The following ZNF577 variants were observed in gnomAD, a reference collection of about 807,000 sequenced individuals.
ZNF577 encodes the protein zinc finger protein 577.
ZNF577 carries 14 observed loss-of-function variants against 13.9 expected under a neutral mutation model. That is an observed-to-expected ratio of 1.00 (90% CI 0.66 to 1.57). ZNF577 has a LOEUF of 1.57. Among genes scored for constraint, ZNF577 ranks in the 40% most tolerant of loss-of-function variants. The pLI, the probability that ZNF577 is intolerant of heterozygous loss-of-function variation, is 0.00. For synonymous variants in ZNF577, 203 were observed against 202.9 expected (o/e 1.00, Z 0.00); for missense variants, 555 against 579.2 (o/e 0.96, Z 0.43).
At chr19:51,825,850 G>T (rs1444939128) in intron 9 of ZNF577, 2 of 167,096 alleles carry the variant, frequency 1.2e-5, no homozygotes. Flanking sequence ...AAGAGTACAA[G>T]AGAAGAGACA....
At chr19:51,825,686 T>C (rs1461553237) in intron 9 of ZNF577, 10 of 167,096 alleles carry the variant, frequency 6.0e-5, no homozygotes, top group Non-Finnish European at 1.5e-4. Flanking sequence ...TCACATTGAG[T>C]CATTCCAGGA....
chr19:51,876,373 C>G (rs7247536), intron 5 of ZNF577, among the ~76,000 whole-genome samples: 1 of 151,804 alleles, frequency 6.6e-6, no homozygotes, highest in East Asian at 2.0e-4. Flanking sequence ...AGACATGCTA[C>G]TTTGCGAGTC....
chr19:51,832,228 CAG>C (rs2084264582), intron 9 of ZNF577, among the ~76,000 whole-genome samples: 1 of 152,054 alleles, frequency 6.6e-6, no homozygotes, highest in Admixed American at 6.6e-5. Context: ...CCATATACAG[CAG>C]AGTTTGTTAA....
downstream of ZNF577, chr19:51,804,685 A>G (rs1307630666): frequency 6.6e-6 from 1 of 152,208 alleles, no homozygotes; most frequent in Non-Finnish European, 1.5e-5. Context: ...TTATAGTTAT[A>G]TATGAGGATC....
rs1365313017 is a variant in ZNF577, at chr19:51,871,046, A to C, written c.*1486T>G. ...TGGGTTGGCTATGAAAAAGTTAGTC[A>C]ATATCCAGGTGCATTATGTCATATG... On this transcript the variant is annotated 3_prime_UTR_variant, in exon 6 of 6. Transcript: ENST00000638348. Among the ~76,000 whole-genome samples, 2 of 152,170 alleles carry C rather than the reference A, an allele frequency of 1.3e-5. No individual in the cohort carries two copies. Among genetic ancestry groups the C allele is most frequent in the Non-Finnish European group, 2.9e-5 (2 of 68,030 alleles).
At chr19:51,847,326 T>C (rs73568147) in intron 5 of ZNF577, among the ~76,000 whole-genome samples, 11,370 of 152,152 alleles carry the variant, frequency 0.075, 1,273 homozygotes, top group African/African-American at 0.25. Context: ...GAGGCCTCCT[T>C]ATGTTCCAGC....
chr19:51,847,136 C>T (rs1463601956), intron 5 of ZNF577, among the ~76,000 whole-genome samples: 1 of 152,146 alleles, frequency 6.6e-6, no homozygotes, highest in African/African-American at 2.4e-5. Context: ...CTCGTGTACG[C>T]ACACACATGC....
intron 9 of ZNF577, among the ~76,000 whole-genome samples, chr19:51,837,161 G>T (rs966301843): frequency 3.3e-5 from 5 of 152,060 alleles, no homozygotes; most frequent in Admixed American, 2.0e-4. Flanking sequence ...GTTGTAAAAT[G>T]AAGGTGTGTT....
At chr19:51,861,401 G>T (rs1349334101) in intron 5 of ZNF577, 3 of 156,388 alleles carry the variant, frequency 1.9e-5, no homozygotes, top group African/African-American at 7.2e-5. Context: ...AAAGTGCTGA[G>T]ATAACAGGCA....
At chr19:51,864,056 G>C (rs1275607902), downstream of ZNF577, among the ~76,000 whole-genome samples, 6 of 152,188 alleles carry the variant, frequency 3.9e-5, no homozygotes, top group African/African-American at 7.2e-5. Flanking sequence ...AGGATGACAT[G>C]TCCTGATTTC....
At chr19:51,818,261 A>G (rs1036744051) in intron 9 of ZNF577, among the ~76,000 whole-genome samples, 5 of 152,204 alleles carry the variant, frequency 3.3e-5, no homozygotes, top group Admixed American at 1.3e-4. Flanking sequence ...AAATGTTCCA[A>G]TGATACCCTT....
rs1469816838 is a variant in ZNF577 at position 51,872,567 on chromosome 19, AATT to A, written c.1420_1422del (p.Asn474del). The A allele has an allele frequency of 6.2e-7, 1 of 1,606,250 alleles. No homozygotes were observed. The highest frequency in any genetic ancestry group is 8.5e-7 in the Non-Finnish European group (1 of 1,177,074). On this transcript the variant is annotated inframe_deletion, in exon 6 of 6. Coordinates refer to ENST00000638348, the MANE Select transcript of ZNF577 (RefSeq NM_001370449.1). ...ACAATATCTGTAAGATACAAGATAT[AATT>A]TATTACTGATGGGGCCACATTCACT...
intron 9 of ZNF577, among the ~76,000 whole-genome samples, chr19:51,812,981 C>T (rs1002720180): frequency 1.3e-5 from 2 of 151,842 alleles, no homozygotes; most frequent in Non-Finnish European, 2.9e-5. Context: ...AATTAGCAGG[C>T]ATGGTGGTGA....
At position 51,824,444 on chromosome 19, in the gene ZNF577, CAT is replaced by C. The variant is rs1172385979; in HGVS notation, c.*600-12772_*600-12771del. On this transcript the variant is annotated intron_variant and NMD_transcript_variant, in intron 9 of 10. Transcript: ENST00000638827. The surrounding 1 kb of genome is among the most constrained non-coding windows in gnomAD (Gnocchi z 4.7). Reference sequence around the variant, plus strand: ...TCGCTGCCAAAATTCACAGAAACCACATGATTAAATCCAGCCGTCCCTTACGT... The same window carrying C: ...TCGCTGCCAAAATTCACAGAAACCACGATTAAATCCAGCCGTCCCTTACGT... 1 of 1,614,112 alleles carries C rather than the reference CAT, an allele frequency of 6.2e-7. No homozygotes were observed. Among genetic ancestry groups the C allele is most frequent in the Non-Finnish European group, 8.5e-7 (1 of 1,180,020 alleles).
rs149543099 is a variant in ZNF577, at chr19:51,877,372, G to C, written c.193C>G (p.Arg65Gly). ...NYINLVSIGY[R>G]GTKPDSLFKL... is the part of the protein sequence containing the mutation. ...AAGAGCGAATCTGGCTTGGTGCCTC[G>C]ATACCCTGTAAATGGGAGATCACTG... The change falls in exon 5 of 6, where the codon CGA becomes GGA. Residue 65 changes from arginine (R) to glycine (G), a missense_variant. Physicochemically the swap from Arg to Gly is moderately radical, Grantham distance 125. Transcript: ENST00000638348. The C allele has an allele frequency of 1.9e-6, 3 of 1,613,622 alleles. No individual in the cohort carries two copies. The highest frequency in any genetic ancestry group is 2.2e-5 in the East Asian group (1 of 44,876).
chr19:51,837,732 C>T (rs1055348303), intron 9 of ZNF577, among the ~76,000 whole-genome samples: 6 of 151,888 alleles, frequency 4.0e-5, no homozygotes, highest in African/African-American at 1.5e-4. Flanking sequence ...TCAATAATTG[C>T]AAAGGGGCAC....
chr19:51,858,120 T>C (rs979330885), intron 5 of ZNF577, among the ~76,000 whole-genome samples: 2 of 152,172 alleles, frequency 1.3e-5, no homozygotes, highest in Non-Finnish European at 2.9e-5. Context: ...GCACCCAACA[T>C]GGTCCTCAAT....
chr19:51,820,880 G>A (rs2084183128), intron 9 of ZNF577, among the ~76,000 whole-genome samples: 1 of 152,230 alleles, frequency 6.6e-6, no homozygotes, highest in Admixed American at 6.5e-5. Context: ...GGTGTGCTCA[G>A]TGCTCACACA....
At chr19:51,864,639 G>A (rs527814696), downstream of ZNF577, among the ~76,000 whole-genome samples, 2 of 152,254 alleles carry the variant, frequency 1.3e-5, no homozygotes, top group East Asian at 3.9e-4. Flanking sequence ...GGATTTGTGG[G>A]ATGAGTGAAA....
Sources: allele counts gnomAD v4.1 joint callset (sites outside exome capture counted in the v4.1 genomes callset), GRCh38; gene constraint gnomAD v4.1.1; non-coding constraint Gnocchi (gnomAD v3.1); transcripts MANE v1.5; gene names NCBI Gene and HGNC (gene_info 2026-07-23, HGNC 2026-07-21).